Variants in CCSER1 observed in about 807,000 individuals in gnomAD.
CCSER1 encodes the protein coiled-coil serine rich protein 1.
CCSER1 carries 41 observed loss-of-function variants against 82.0 expected under a neutral mutation model. That is an observed-to-expected ratio of 0.50 (90% confidence interval 0.39 to 0.65). The LOEUF is 0.65. Ranked by LOEUF, CCSER1 falls within the 30% of genes least tolerant of loss-of-function variation. The pLI is 0.00. For missense variants in CCSER1, 1,119 were observed against 1,064.2 expected (o/e 1.05, Z -0.72); for synonymous variants, 414 against 383.9 (o/e 1.08, Z -0.92).
chr4:91,073,494 C>A (rs1369267809), intron 9 of CCSER1, among the ~76,000 whole-genome samples: 1 of 152,016 alleles, frequency 6.6e-6, no homozygotes, highest in Non-Finnish European at 1.5e-5. Flanking sequence ...TGACACTCCT[C>A]GATATTATCA....
At chr4:91,531,441 A>C (rs982724804) in intron 10 of CCSER1, among the ~76,000 whole-genome samples, 5 of 152,204 alleles carry the variant, frequency 3.3e-5, no homozygotes, top group African/African-American at 4.8e-5. Flanking sequence ...TGGAGTTTAA[A>C]GTTTAAGAAA....
intron 1 of CCSER1, among the ~76,000 whole-genome samples, chr4:90,269,487 T>C (rs530278346): frequency 1.3e-5 from 2 of 151,938 alleles, no homozygotes; most frequent in African/African-American, 4.8e-5. Context: ...TTGAAACAAT[T>C]GATAATGAAA....
In CCSER1 at chr4:90,893,116, AC is replaced by A. The variant is rs1215856721; in HGVS notation, c.2095-30252del. ...GTGTTGGAGAAAGACCAAAGGCCAG[AC>A]CATAGTCACTGTCAGTCTAGAGTAG... On this transcript the variant is annotated intron_variant, in intron 8 of 10. Transcript: ENST00000509176. Among the ~76,000 whole-genome samples the A allele has an allele frequency of 7.2e-5, 11 of 152,176 alleles. No individual in the cohort carries two copies. In the Admixed American group the frequency reaches 7.2e-4, roughly 10 times the overall value.
intron 10 of CCSER1, among the ~76,000 whole-genome samples, chr4:91,250,328 G>C (rs1388351388): frequency 6.6e-6 from 1 of 151,972 alleles, no homozygotes; most frequent in Admixed American, 6.6e-5. Context: ...ATTATATGGA[G>C]CACTTATTTA....
intron 5 of CCSER1, among the ~76,000 whole-genome samples, chr4:90,473,956 G>T (rs1764732227): frequency 6.6e-6 from 1 of 152,090 alleles, no homozygotes; most frequent in Non-Finnish European, 1.5e-5. Context: ...GTGTTGAAAA[G>T]CAGGTGAAAT....
chr4:91,325,409 G>A, intron 10 of CCSER1: 1 of 268,958 alleles, frequency 3.7e-6, no homozygotes, highest in South Asian at 3.6e-5. Flanking sequence ...GCAAGGGGTA[G>A]GCAGAAGTAT....
intron 8 of CCSER1, among the ~76,000 whole-genome samples, chr4:90,890,806 C>T (rs1322461222): frequency 6.6e-6 from 1 of 152,064 alleles, no homozygotes; most frequent in Non-Finnish European, 1.5e-5. Flanking sequence ...TCTGAGGATT[C>T]CAAGCAATAA....
intron 7 of CCSER1, among the ~76,000 whole-genome samples, chr4:90,811,985 T>TAAACACACACACAC (rs1322585282): frequency 3.0e-5 from 4 of 133,060 alleles, no homozygotes; most frequent in African/African-American, 1.3e-4. Context: ...TATATATATA[T>TAAACACACACACAC]ATATAAACAC....
chr4:90,325,274 G>T (rs1395664699), intron 3 of CCSER1, among the ~76,000 whole-genome samples: 2 of 152,100 alleles, frequency 1.3e-5, no homozygotes, highest in Non-Finnish European at 2.9e-5. Flanking sequence ...TATGAAATAT[G>T]TATGTTAGAA....
intron 5 of CCSER1, among the ~76,000 whole-genome samples, chr4:90,545,555 C>A (rs1365342498): frequency 1.3e-5 from 2 of 152,038 alleles, no homozygotes; most frequent in Non-Finnish European, 2.9e-5. Context: ...GCTTTCTAAT[C>A]CTCCTGCCTT....
At chr4:91,094,732 T>A (rs915488009) in intron 10 of CCSER1, among the ~76,000 whole-genome samples, 2 of 152,108 alleles carry the variant, frequency 1.3e-5, no homozygotes, top group African/African-American at 4.8e-5. Context: ...CCGCCCATAC[T>A]CAGGGCCATC....
rs763996005 is a variant in CCSER1, at chr4:90,497,715, C to T, written c.1724+29361C>T. Among the ~76,000 whole-genome samples, 7 of 152,260 alleles carry T rather than the reference C, an allele frequency of 4.6e-5. No homozygotes were observed. In the South Asian group the frequency reaches 1.2e-3, roughly 27 times the overall value. On this transcript the variant is annotated intron_variant, in intron 5 of 10. Transcript: ENST00000509176. The stretch of plus-strand genomic sequence containing the variant: ...TACTGTATTTGTTATGCTTCACTAA[C>T]GTTGCATAACAAACAGCTACACATC...
At chr4:91,573,287 T>A (rs1349595060) in intron 10 of CCSER1, among the ~76,000 whole-genome samples, 1 of 152,176 alleles carries the variant, frequency 6.6e-6, no homozygotes, top group Non-Finnish European at 1.5e-5. Context: ...GGTGGCTGGC[T>A]GGAATTCTAA....
chr4:91,468,455 A>T (rs1431976969), intron 10 of CCSER1, among the ~76,000 whole-genome samples: 3 of 152,116 alleles, frequency 2.0e-5, no homozygotes, highest in Non-Finnish European at 4.4e-5. Context: ...ATACATATGT[A>T]ATAAGCCTGC....
At chr4:90,688,164 ATCTGTATAC>A (rs1735161900) in intron 6 of CCSER1, among the ~76,000 whole-genome samples, 2 of 152,162 alleles carry the variant, frequency 1.3e-5, no homozygotes, top group Non-Finnish European at 2.9e-5. Context: ...TGTTAAGGAC[ATCTGTATAC>A]TTCATTAGGG....
chr4:91,298,229 T>C (rs1048905026), intron 10 of CCSER1, among the ~76,000 whole-genome samples: 7 of 152,004 alleles, frequency 4.6e-5, no homozygotes, highest in African/African-American at 1.7e-4. Context: ...AATTGGAAAT[T>C]ACAAAATTGT....
intron 7 of CCSER1, among the ~76,000 whole-genome samples, chr4:90,776,954 T>A (rs1320084769): frequency 6.6e-6 from 1 of 152,164 alleles, no homozygotes; most frequent in Non-Finnish European, 1.5e-5. Flanking sequence ...CTTTCAACAT[T>A]ATATTCGCAG....
intron 10 of CCSER1, among the ~76,000 whole-genome samples, chr4:91,192,199 T>A (rs1477707123): frequency 6.6e-6 from 1 of 152,112 alleles, no homozygotes; most frequent in Non-Finnish European, 1.5e-5. Flanking sequence ...ATGCCCCCAC[T>A]TTTCCCCCCA....
chr4:90,825,149 G>A (rs1420260138), intron 8 of CCSER1, among the ~76,000 whole-genome samples: 2 of 152,164 alleles, frequency 1.3e-5, no homozygotes, highest in Non-Finnish European at 2.9e-5. Flanking sequence ...TTATATTGCA[G>A]TACAGCATGG....
Sources: allele counts gnomAD v4.1 joint callset (sites outside exome capture counted in the v4.1 genomes callset), GRCh38; gene constraint gnomAD v4.1.1; transcripts MANE v1.5; gene names NCBI Gene and HGNC (gene_info 2026-07-23, HGNC 2026-07-21).